The following EVC variants were observed in gnomAD, a reference collection of about 807,000 sequenced individuals.
EVC encodes the protein EvC ciliary complex subunit 1.
EVC carries 116 observed loss-of-function variants against 118.9 expected under a neutral mutation model. The observed-to-expected ratio is 0.98, with a 90% confidence interval of 0.84 to 1.14. The LOEUF is 1.14. Among genes scored for constraint, EVC ranks in the 50% most tolerant of loss-of-function variants. The pLI is 0.00. For missense variants in EVC, 1,401 were observed against 1,246.4 expected, an observed-to-expected ratio of 1.12 and a Z score of -1.87; for synonymous variants, 619 against 534.7, an observed-to-expected ratio of 1.16 and a Z score of -2.18.
At chr4:5,807,230 GA>G (rs1330257562) in intron 17 of EVC, among the ~76,000 whole-genome samples, 1 of 152,184 alleles carries the variant, frequency 6.6e-6, no homozygotes, top group Non-Finnish European at 1.5e-5. Flanking sequence ...ATACTTTAAT[GA>G]AGGAATGAGT....
At chr4:5,810,917 G>T (rs2152396151) in intron 20 of EVC, 36 bp from the exon 21 acceptor site, 2 of 1,578,482 alleles carry the variant, frequency 1.3e-6, no homozygotes, top group African/African-American at 2.7e-5. Context: ...CATGGAGTCA[G>T]CGTTCTAACT....
chr4:5,741,513 T>A (rs1728568923), intron 5 of EVC, among the ~76,000 whole-genome samples: 1 of 152,128 alleles, frequency 6.6e-6, no homozygotes, highest in Non-Finnish European at 1.5e-5. Flanking sequence ...TTCATGAAAA[T>A]GTAATGCATT....
At position 5,812,236 on chromosome 4, in the gene EVC, G is replaced by T. The variant is rs1315669218; in HGVS notation, c.*1199G>T. On this transcript the variant is annotated 3_prime_UTR_variant, in exon 21 of 21. Transcript: ENST00000264956. ...ACCGCCAGGAGAGGCCTTTCCCACC[G>T]GGAGAGAAACTTCCAGACCAGCCCC... is the stretch of plus-strand genomic sequence containing the variant. 195 of 99,076 alleles carry T rather than the reference G, an allele frequency of 2.0e-3. No individual in the cohort carries two copies. The Middle Eastern group carries it at 0.027, about 14-fold the overall frequency. 6.1% of individuals were successfully genotyped at this position (99,076 alleles called of 1,614,324 possible). A position where few individuals can be genotyped will look rare whatever the true frequency, so the allele number is the denominator to read the frequency against.
At position 5,783,580 on chromosome 4, in the gene EVC, T is replaced by A; in HGVS notation, c.1592T>A (p.Phe531Tyr). Reference protein sequence around the residue: ...QELYFSTVDTFQKFVDALFLQ... With the variant: ...QELYFSTVDTYQKFVDALFLQ... ...CTGTACTTCAGCACCGTGGACACTTTCCAGAAGTTCGTGGATGCCCTGTTC... is the reference window on the plus strand; with the variant it reads ...CTGTACTTCAGCACCGTGGACACTTACCAGAAGTTCGTGGATGCCCTGTTC... Residue 531 changes from phenylalanine to tyrosine, a missense_variant, in exon 12 of 21, where the codon TTC becomes TAC. Phe to Tyr is a conservative substitution (Grantham distance 22). Transcript: ENST00000264956. The A allele has an allele frequency of 6.2e-7, 1 of 1,614,168 alleles. No homozygotes were observed. Among genetic ancestry groups the A allele is most frequent in the East Asian group, 2.2e-5 (1 of 44,876 alleles).
At chr4:5,759,312 CTG>C (rs1268044460) in intron 11 of EVC, among the ~76,000 whole-genome samples, 4 of 152,176 alleles carry the variant, frequency 2.6e-5, no homozygotes, top group African/African-American at 9.7e-5. Flanking sequence ...CTGAGGCTTA[CTG>C]TGTTGATGGT....
At chr4:5,818,014 C>T (rs1246348820), downstream of EVC, among the ~76,000 whole-genome samples, 3 of 152,108 alleles carry the variant, frequency 2.0e-5, no homozygotes, top group Non-Finnish European at 4.4e-5. Flanking sequence ...GTGTCCCCAC[C>T]CAAATCTCAT....
At chr4:5,728,279 A>G (rs533548166) in intron 2 of EVC, among the ~76,000 whole-genome samples, 61 of 152,086 alleles carry the variant, frequency 4.0e-4, no homozygotes, top group African/African-American at 1.4e-3. Context: ...TCCTTGAAGA[A>G]GTCCTTCACA....
At chr4:5,721,594 A>C (rs1006149929) in intron 2 of EVC, among the ~76,000 whole-genome samples, 1 of 152,170 alleles carries the variant, frequency 6.6e-6, no homozygotes, top group Non-Finnish European at 1.5e-5. Flanking sequence ...TAGGCTGGGC[A>C]TGGTGGCTCA....
At chr4:5,825,605 C>T in the EVC span, 1 of 1,602,934 alleles carries the variant, frequency 6.2e-7, no homozygotes, top group Admixed American at 1.8e-5. This position sits in a 1 kb window ranked among gnomAD's most constrained non-coding sequence, Gnocchi z 4.4. Context: ...GTAGCTGGTA[C>T]CTCGTACACA....
At chr4:5,734,303 G>A (rs991510234) in intron 5 of EVC, among the ~76,000 whole-genome samples, 5 of 152,198 alleles carry the variant, frequency 3.3e-5, no homozygotes, top group Non-Finnish European at 7.4e-5. Context: ...CAGACACACA[G>A]ATATGTCTAC....
chr4:5,729,465 G>A lies in EVC; in HGVS notation c.384+75G>A, dbSNP rs1055349346. 5 of 1,366,934 alleles carry A rather than the reference G, an allele frequency of 3.7e-6. No individual in the cohort carries two copies. The African/African-American group carries it at 5.7e-5, about 16-fold the overall frequency. 84.7% of individuals were successfully genotyped at this position (1,366,934 alleles called of 1,614,324 possible). The stretch of plus-strand genomic sequence containing the variant: ...CCAGAGATTGGGAGGAAAGTGGGGG[G>A]ATTAACTGTGTGATGTTTGGTCCTG... On this transcript the variant is annotated intron_variant, in intron 3 of 20. Coordinates refer to ENST00000264956, the MANE Select transcript of EVC (RefSeq NM_153717.3).
rs1560360931 is a variant in EVC, at chr4:5,762,222, G to C, written c.1563+5860G>C. ...CAATTTCATCCATGTCCCTACAAAG[G>C]TAATGAACTCATCATTTTTTATGAC... is the stretch of plus-strand genomic sequence containing the variant. On this transcript the variant is annotated intron_variant, in intron 11 of 20. Coordinates refer to ENST00000264956, the MANE Select transcript of EVC (RefSeq NM_153717.3). Among the ~76,000 whole-genome samples the C allele has an allele frequency of 3.3e-5, 4 of 120,662 alleles. 1 individual carries two copies. Among genetic ancestry groups the C allele is most frequent in the Admixed American group, 7.6e-5 (1 of 13,120 alleles). The allele number at this position is 120,662 out of a possible 152,430, so 79.2% of individuals were successfully genotyped here.
intron 11 of EVC, among the ~76,000 whole-genome samples, chr4:5,778,387 A>C (rs1273942070): frequency 1.3e-5 from 2 of 151,860 alleles, no homozygotes; most frequent in Non-Finnish European, 2.9e-5. Flanking sequence ...TGGTATTTCT[A>C]GTTCTAGATC....
chr4:5,727,907 G>A (rs1726126642), intron 2 of EVC, among the ~76,000 whole-genome samples: 1 of 146,036 alleles, frequency 6.8e-6, no homozygotes, highest in Admixed American at 6.9e-5. Context: ...ATTTCTGAGG[G>A]CTCTGTTCTG....
chr4:5,765,084 G>A (rs1371337868), intron 11 of EVC, among the ~76,000 whole-genome samples: 2 of 116,314 alleles, frequency 1.7e-5, no homozygotes, highest in Non-Finnish European at 3.7e-5. Context: ...ATGCATCCCA[G>A]AGATTTTGGT....
chr4:5,715,650 TATATTCTTCTATCTTTA>T (rs1723813237), intron 1 of EVC, among the ~76,000 whole-genome samples: 1 of 152,094 alleles, frequency 6.6e-6, no homozygotes. Flanking sequence ...TGTCTGAAAA[TATATTCTTCTATCTTTA>T]TACTTAATTT....
At chr4:5,799,507 G>T (rs1381346432) in intron 15 of EVC, among the ~76,000 whole-genome samples, 3 of 152,198 alleles carry the variant, frequency 2.0e-5, no homozygotes, top group African/African-American at 7.2e-5. Flanking sequence ...CAGCGCCGGG[G>T]CTGCAGGAGA....
At chr4:5,815,861 G>T (rs1717590315), downstream of EVC, among the ~76,000 whole-genome samples, 2 of 152,198 alleles carry the variant, frequency 1.3e-5, no homozygotes, top group South Asian at 2.1e-4. Context: ...TGGTCACCTG[G>T]TGGAAGGAAG....
chr4:5,828,563 T>C, the EVC span: 1 of 1,614,218 alleles, frequency 6.2e-7, no homozygotes, highest in South Asian at 1.1e-5. Flanking sequence ...CCCATGCCCT[T>C]GTTGACGTTG....
Sources: allele counts gnomAD v4.1 joint callset (sites outside exome capture counted in the v4.1 genomes callset), GRCh38; gene constraint gnomAD v4.1.1; non-coding constraint Gnocchi (gnomAD v3.1); transcripts MANE v1.5; gene names NCBI Gene and HGNC (gene_info 2026-07-23, HGNC 2026-07-21).